Variants in CSMD1 observed in about 807,000 individuals in gnomAD.
CSMD1 encodes CUB and sushi domain-containing protein 1.
A neutral mutation model predicts 417.5 loss-of-function variants in CSMD1; 213 were observed. The ratio of observed to expected loss-of-function variants is 0.51; its 90% CI spans 0.46 to 0.57. The LOEUF (loss-of-function observed/expected upper bound fraction) is 0.57, where lower values mean the gene tolerates loss of function less well. Ranked by LOEUF, CSMD1 falls within the 20% of genes least tolerant of loss-of-function variation. CSMD1 has a pLI of 0.00. For synonymous variants in CSMD1, 2,862 were observed against 1,736.8 expected, an observed-to-expected ratio of 1.65 and a Z score of -16.11; for missense variants, 6,923 against 4,529.7, an observed-to-expected ratio of 1.53 and a Z score of -15.17.
chr8:3,960,710 C>G (rs1563256751), intron 5 of CSMD1, among the ~76,000 whole-genome samples: 1 of 151,688 alleles, frequency 6.6e-6, no homozygotes, highest in Non-Finnish European at 1.5e-5. Flanking sequence ...AGATATATTT[C>G]TTTTTAAGGA....
At chr8:3,827,694 T>C (rs1411793508) in intron 5 of CSMD1, among the ~76,000 whole-genome samples, 4 of 152,238 alleles carry the variant, frequency 2.6e-5, no homozygotes, top group African/African-American at 7.2e-5. Flanking sequence ...ATTGACTTCA[T>C]TGTGAGTTTT....
rs189656114 is a variant in CSMD1, at chr8:4,627,727, G to A, written c.302+9615C>T. On this transcript the variant is annotated intron_variant, in intron 2 of 69. Transcript: ENST00000635120. ...CTGCCCCGCCAAAAAAATAACAGTTGCTCCCCTCAGCCAGTTCCAGCTAAC... is the reference window on the plus strand; with the variant it reads ...CTGCCCCGCCAAAAAAATAACAGTTACTCCCCTCAGCCAGTTCCAGCTAAC... 1.9e-3 allele frequency among the ~76,000 whole-genome samples: 284 copies of A among 152,112 alleles called. 4 individuals are homozygous for A. The highest frequency in any genetic ancestry group is 6.5e-3 in the African/African-American group (270 of 41,492).
intron 5 of CSMD1, among the ~76,000 whole-genome samples, chr8:3,790,485 A>C (rs1420506526): frequency 6.6e-6 from 1 of 152,186 alleles, no homozygotes; most frequent in Non-Finnish European, 1.5e-5. Context: ...GCTAATGATG[A>C]TGGTGAGAGT....
At chr8:3,528,475 T>C (rs1797844610) in intron 10 of CSMD1, among the ~76,000 whole-genome samples, 2 of 152,206 alleles carry the variant, frequency 1.3e-5, no homozygotes, top group Admixed American at 1.3e-4. Context: ...CTTCCAAACC[T>C]TGAGGAAGAA....
chr8:3,453,974 T>G (rs1815931218), intron 12 of CSMD1, among the ~76,000 whole-genome samples: 1 of 152,186 alleles, frequency 6.6e-6, no homozygotes, highest in South Asian at 2.1e-4. Context: ...TCTAAGGACT[T>G]GCTTTATGAA....
intron 10 of CSMD1, among the ~76,000 whole-genome samples, chr8:3,497,632 G>A (rs926043472): frequency 6.6e-6 from 1 of 152,098 alleles, no homozygotes; most frequent in Non-Finnish European, 1.5e-5. Flanking sequence ...CTAGTTTTTG[G>A]TTTCTGTTTG....
chr8:4,853,678 G>A (rs1801618398), intron 1 of CSMD1, among the ~76,000 whole-genome samples: 1 of 152,200 alleles, frequency 6.6e-6, no homozygotes, highest in Admixed American at 6.5e-5. Flanking sequence ...GCTGTGGGAA[G>A]AAGACCACTG....
At chr8:4,972,126 G>A (rs1002930489) in intron 1 of CSMD1, among the ~76,000 whole-genome samples, 2 of 152,040 alleles carry the variant, frequency 1.3e-5, no homozygotes, top group Admixed American at 1.3e-4. Context: ...GAGTAATATC[G>A]TTATACGCTG....
At chr8:3,192,969 A>G (rs1585613832) in intron 33 of CSMD1, among the ~76,000 whole-genome samples, 1 of 151,968 alleles carries the variant, frequency 6.6e-6, no homozygotes, top group Non-Finnish European at 1.5e-5. Flanking sequence ...AGAGGCTTCC[A>G]CAGTCATCTC....
intron 11 of CSMD1, among the ~76,000 whole-genome samples, chr8:3,469,777 G>A (rs1057295912): frequency 2.6e-5 from 4 of 152,180 alleles, no homozygotes; most frequent in African/African-American, 9.7e-5. Flanking sequence ...TTCAAAGGAA[G>A]AAGAACAACT....
At chr8:4,499,261 G>A (rs1301290239) in intron 2 of CSMD1, among the ~76,000 whole-genome samples, 1 of 152,166 alleles carries the variant, frequency 6.6e-6, no homozygotes, top group Non-Finnish European at 1.5e-5. Context: ...GATAAGCACA[G>A]GAAAGAAGAA....
intron 46 of CSMD1, among the ~76,000 whole-genome samples, chr8:3,105,777 G>A (rs550031289): frequency 3.9e-5 from 6 of 152,324 alleles, no homozygotes; most frequent in Admixed American, 2.6e-4. Flanking sequence ...TTCAAAATTT[G>A]CCTTGAAATG....
intron 4 of CSMD1, among the ~76,000 whole-genome samples, chr8:4,002,059 A>C (rs1338895980): frequency 1.3e-5 from 2 of 152,230 alleles, no homozygotes; most frequent in Non-Finnish European, 2.9e-5. Context: ...ATATAGTAGA[A>C]GATTATTAAG....
At position 4,117,634 on chromosome 8, in the gene CSMD1, C is replaced by T. The variant is rs561967140; in HGVS notation, c.416-85535G>A. On this transcript the variant is annotated intron_variant, in intron 3 of 69. Transcript: ENST00000635120. ...CAGTTAGAGAAAAGGTGTGTTAAAACGCTGAAGCGCCCGCACTTCTGGGTG... is the reference window on the plus strand; with the variant it reads ...CAGTTAGAGAAAAGGTGTGTTAAAATGCTGAAGCGCCCGCACTTCTGGGTG... 2.4e-4 allele frequency among the ~76,000 whole-genome samples: 36 copies of T among 152,268 alleles called. No homozygotes were observed. The South Asian group carries it at 2.5e-3, about 11-fold the overall frequency.
chr8:4,565,768 A>G (rs13252956), intron 2 of CSMD1, among the ~76,000 whole-genome samples: 26 of 15,144 alleles, frequency 1.7e-3, no homozygotes, highest in South Asian at 3.7e-3. Flanking sequence ...ATATATATAT[A>G]TATATATATA....
At chr8:4,456,607 G>C (rs891303294) in intron 2 of CSMD1, among the ~76,000 whole-genome samples, 1 of 152,124 alleles carries the variant, frequency 6.6e-6, no homozygotes, top group African/African-American at 2.4e-5. Flanking sequence ...GGATAGAAGA[G>C]TAGAGGCAAT....
At chr8:3,633,662 G>T (rs917985294) in intron 7 of CSMD1, among the ~76,000 whole-genome samples, 13 of 152,046 alleles carry the variant, frequency 8.6e-5, no homozygotes, top group East Asian at 7.7e-4. Context: ...TCAATCTTAA[G>T]ACATGAAAAT....
At chr8:4,872,865 C>T (rs1042634609) in intron 1 of CSMD1, among the ~76,000 whole-genome samples, 2 of 152,084 alleles carry the variant, frequency 1.3e-5, no homozygotes, top group East Asian at 1.9e-4. Flanking sequence ...GATATTGGCT[C>T]ATACTGGAGT....
chr8:4,170,236 A>G (rs572061098), intron 3 of CSMD1, among the ~76,000 whole-genome samples: 1 of 151,784 alleles, frequency 6.6e-6, no homozygotes, highest in African/African-American at 2.4e-5. Context: ...CTCTTTCCCC[A>G]TCTCTCTTTC....
Sources: gnomAD v4.1 joint callset for allele counts (sites outside exome capture counted in the v4.1 genomes callset) on GRCh38, gnomAD v4.1.1 for gene constraint, MANE v1.5 for transcripts, NCBI Gene and HGNC (gene_info 2026-07-23, HGNC 2026-07-21) for gene names.